The following GPATCH1 variants were observed in gnomAD, a reference collection of about 807,000 sequenced individuals.
The protein encoded by GPATCH1 is G patch domain-containing protein 1.
A neutral mutation model predicts 114.9 loss-of-function variants in GPATCH1; 73 were observed. The observed-to-expected ratio is 0.64, with a 90% CI of 0.53 to 0.77. The LOEUF is 0.77. Ranked by LOEUF, GPATCH1 falls within the 30% of genes least tolerant of loss-of-function variation. The pLI, the probability that GPATCH1 is intolerant of heterozygous loss-of-function variation, is 0.00. For synonymous variants in GPATCH1, 391 were observed against 428.4 expected (o/e 0.91, Z 1.08); for missense variants, 1,058 against 1,144.3 (o/e 0.92, Z 1.09).
intron 3 of GPATCH1, 88 bp from the exon 4 acceptor site, chr19:33,093,270 CT>C (rs35647730): frequency 0.02 from 13,946 of 694,050 alleles, no homozygotes; most frequent in Non-Finnish European, 0.024. Context: ...GTAGTTTTAA[CT>C]TTTTTTTTTT....
At chr19:33,093,984 T>C (rs1021187194) in intron 4 of GPATCH1, among the ~76,000 whole-genome samples, 188 bp from the exon 5 acceptor site, 5 of 152,132 alleles carry the variant, frequency 3.3e-5, no homozygotes, top group African/African-American at 1.2e-4. Flanking sequence ...CTTCCCCAGT[T>C]CAGGTGTGCA....
chr19:33,083,457 C>T (rs551222535), intron 1 of GPATCH1, among the ~76,000 whole-genome samples: 433 of 150,006 alleles, frequency 2.9e-3, no homozygotes, highest in African/African-American at 0.01. Context: ...TGCAGTGGCG[C>T]GATCTCGGCT....
In GPATCH1 at chr19:33,114,797, C is replaced by CTTTT. The variant is rs546074419; in HGVS notation, c.2196+398_2196+401dup. Among the ~76,000 whole-genome samples, 275 of 87,196 alleles carry CTTTT rather than the reference C, an allele frequency of 3.2e-3. 1 individual carries two copies. The highest frequency in any genetic ancestry group is 5.6e-3 in the East Asian group (13 of 2,332). 57.2% of individuals were successfully genotyped at this position (87,196 alleles called of 152,430 possible). A position where few individuals can be genotyped will look rare whatever the true frequency, so the allele number is the denominator to read the frequency against. ...ATACATTTAGGATTGCTATTTCTCT[C>CTTTT]TTTTTTTTTTTTTTTTTTTTTTTGA... is the stretch of plus-strand genomic sequence containing the variant. On this transcript the variant is annotated intron_variant, in intron 15 of 19. Coordinates refer to ENST00000170564, the MANE Select transcript of GPATCH1 (RefSeq NM_018025.3).
At chr19:33,083,728 A>G (rs924271031) in intron 1 of GPATCH1, among the ~76,000 whole-genome samples, 7 of 152,060 alleles carry the variant, frequency 4.6e-5, no homozygotes, top group African/African-American at 1.7e-4. Context: ...AGGAAAGGAC[A>G]TGGATTTGTA....
At chr19:33,117,781 C>A (rs1299396041) in intron 15 of GPATCH1, 44 bp from the exon 16 acceptor site, 1 of 1,381,906 alleles carries the variant, frequency 7.2e-7, no homozygotes, top group East Asian at 2.3e-5. Context: ...CTCCCTTTTA[C>A]CCTTGCCTCT....
intron 2 of GPATCH1, among the ~76,000 whole-genome samples, chr19:33,088,923 C>T (rs1030995273): frequency 6.6e-5 from 10 of 152,146 alleles, no homozygotes; most frequent in African/African-American, 2.4e-4. Context: ...TCCCAAAGTG[C>T]TGGGATTACA....
At chr19:33,091,413 CAA>C (rs1184888892) in intron 3 of GPATCH1, among the ~76,000 whole-genome samples, 257 of 44,916 alleles carry the variant, frequency 5.7e-3, no homozygotes, top group South Asian at 0.019. Flanking sequence ...GACTCCGTCT[CAA>C]AAAAAAAAAA....
Position 33,109,726 on chromosome 19 carries a change from CTT to C in GPATCH1, c.1296_1297del (p.Leu435ArgfsTer19). Reference sequence around the variant, plus strand: ...TACTGTTTTTATTTAGGTTCAGCTACTTCAGTGTTAGAATTTCTGTCCCAAAA... The same window carrying C: ...TACTGTTTTTATTTAGGTTCAGCTACCAGTGTTAGAATTTCTGTCCCAAAA... On this transcript the variant is annotated frameshift_variant, in exon 11 of 20. Transcript: ENST00000170564. LOFTEE classifies it high-confidence loss of function. The C allele has an allele frequency of 6.4e-7, 1 of 1,566,574 alleles. No homozygotes were observed. Among genetic ancestry groups the C allele is most frequent in the Non-Finnish European group, 8.7e-7 (1 of 1,154,712 alleles).
Position 33,094,328 on chromosome 19 carries a change from T to C in GPATCH1, c.553+59T>C, listed in dbSNP as rs1972631161. The stretch of plus-strand genomic sequence containing the variant: ...CTGCAGCGTACTTTTTTTTTTTTTT[T>C]GAGACAGGGTCTTGCTCTGTCGCCC... On this transcript the variant is annotated intron_variant, in intron 5 of 19. Coordinates refer to ENST00000170564, the MANE Select transcript of GPATCH1 (RefSeq NM_018025.3). 5 of 813,646 alleles carry C rather than the reference T, an allele frequency of 6.1e-6. No homozygotes were observed. In the East Asian group the frequency reaches 1.3e-4, roughly 22 times the overall value. 50.4% of individuals were successfully genotyped at this position (813,646 alleles called of 1,614,324 possible).
intron 1 of GPATCH1, among the ~76,000 whole-genome samples, chr19:33,081,660 G>A (rs1206891099): frequency 6.6e-6 from 1 of 152,122 alleles, no homozygotes; most frequent in Non-Finnish European, 1.5e-5. Context: ...ACATAAAGTG[G>A]CAAAGGCCCT....
At chr19:33,114,741 A>G (rs1599863291) in intron 15 of GPATCH1, among the ~76,000 whole-genome samples, 1 of 146,258 alleles carries the variant, frequency 6.8e-6, no homozygotes, top group Non-Finnish European at 1.5e-5. Flanking sequence ...TTTTTGCCTT[A>G]TGTATTTTGA....
chr19:33,088,560 A>G (rs1428392936), intron 2 of GPATCH1, among the ~76,000 whole-genome samples: 1 of 151,612 alleles, frequency 6.6e-6, no homozygotes, highest in African/African-American at 2.4e-5. Context: ...CATGTTGGCC[A>G]GGCTGGTCTC....
intron 10 of GPATCH1, among the ~76,000 whole-genome samples, chr19:33,109,216 C>CA (rs927620874): frequency 1.1e-4 from 16 of 150,300 alleles, no homozygotes; most frequent in Non-Finnish European, 1.6e-4. Context: ...GACCATGTCT[C>CA]AAAAAAAACA....
At chr19:33,123,073 A>AAATAAAT (rs1973003077) in intron 17 of GPATCH1, among the ~76,000 whole-genome samples, 1 of 138,338 alleles carries the variant, frequency 7.2e-6, no homozygotes, top group African/African-American at 2.7e-5. Context: ...TGCTGTCTCA[A>AAATAAAT]AAATAAATAA....
Position 33,117,892 on chromosome 19 carries a change from G to A in GPATCH1, c.2264G>A (p.Arg755Lys), listed in dbSNP as rs368381748. The A allele has an allele frequency of 6.2e-7, 1 of 1,613,962 alleles. No homozygotes were observed. Among genetic ancestry groups the A allele is most frequent in the Non-Finnish European group, 8.5e-7 (1 of 1,179,934 alleles). The change falls in exon 16 of 20, where the codon AGG (arginine) becomes AAG (lysine). Residue 755 changes from arginine (R) to lysine (K), a missense_variant. By Grantham distance (26) the Arg-to-Lys change is conservative. Coordinates refer to ENST00000170564, the MANE Select transcript of GPATCH1 (RefSeq NM_018025.3). The stretch of plus-strand genomic sequence containing the variant: ...AGCCGCCCATCCATGGACTTATTCA[G>A]GGCCATCTTTGCCAGTTCCTCAGAT... ...EGSRPSMDLF[R>K]AIFASSSDEK... is the part of the protein sequence containing the mutation.
At chr19:33,104,879 G>A (rs574061463) in intron 9 of GPATCH1, among the ~76,000 whole-genome samples, 16 of 152,236 alleles carry the variant, frequency 1.1e-4, no homozygotes, top group African/African-American at 2.9e-4. Context: ...TAACAAACAC[G>A]TGTGGATTTG....
At chr19:33,090,924 G>C (rs1972587583) in intron 3 of GPATCH1, 59 bp downstream of exon 3, 5 of 995,776 alleles carry the variant, frequency 5.0e-6, no homozygotes, top group Non-Finnish European at 8.0e-6. Flanking sequence ...GTTGGTTGCT[G>C]TAACTGCCTT....
chr19:33,111,701 C>T, intron 11 of GPATCH1, 23 bp from the exon 12 acceptor site: 2 of 1,610,624 alleles, frequency 1.2e-6, no homozygotes, highest in Non-Finnish European at 1.7e-6. Context: ...AGTGAAGCTG[C>T]TTCTTGTTCT....
rs763947317 is a variant in GPATCH1 at position 33,090,764 on chromosome 19, ACT to A, written c.209-13_209-12del. ...ACTCTCTAGGATTGTAAAGTTCTAA[ACT>A]CTTTTTTTTTCAGGATGGACACCCT... is the stretch of plus-strand genomic sequence containing the variant. On this transcript the variant is annotated splice_polypyrimidine_tract_variant and intron_variant, in intron 2 of 19. Coordinates refer to ENST00000170564, the MANE Select transcript of GPATCH1 (RefSeq NM_018025.3). 8 of 1,566,228 alleles carry A rather than the reference ACT, an allele frequency of 5.1e-6. No homozygotes were observed. The Admixed American group carries it at 1.2e-4, about 23-fold the overall frequency.
Sources: gnomAD v4.1 joint callset for allele counts (sites outside exome capture counted in the v4.1 genomes callset) on GRCh38, gnomAD v4.1.1 for gene constraint, MANE v1.5 for transcripts, NCBI Gene and HGNC (gene_info 2026-07-23, HGNC 2026-07-21) for gene names.